Variants in CNTLN observed in about 807,000 individuals in gnomAD.
The protein encoded by CNTLN is centlein, centrosomal protein.
In CNTLN, 212 loss-of-function variants were observed where a neutral mutation model predicts 180.0. The observed-to-expected ratio is 1.18, with a 90% confidence interval of 1.05 to 1.32. The LOEUF is 1.32. CNTLN is among the 40% of genes most tolerant of loss of function. The pLI, the probability that CNTLN is intolerant of heterozygous loss-of-function variation, is 0.00. For synonymous variants in CNTLN, 722 were observed against 563.1 expected, an observed-to-expected ratio of 1.28 and a Z score of -3.99; for missense variants, 2,095 against 1,610.9, an observed-to-expected ratio of 1.30 and a Z score of -5.14.
chr9:17,528,195 AAC>A, the CNTLN span, among the ~76,000 whole-genome samples: 145 of 152,336 alleles, frequency 9.5e-4, 1 homozygote, highest in African/African-American at 3.3e-3. Flanking sequence ...TTTCCTGAAG[AAC>A]ACATTATAGA....
intron 7 of CNTLN, among the ~76,000 whole-genome samples, chr9:17,305,501 A>G (rs1271127008): frequency 6.7e-6 from 1 of 148,866 alleles, no homozygotes; most frequent in Non-Finnish European, 1.5e-5. Flanking sequence ...CATATTGCCT[A>G]ATTTACTCAC....
chr9:17,493,792 A>T (rs1006657302), intron 25 of CNTLN, among the ~76,000 whole-genome samples: 1 of 152,208 alleles, frequency 6.6e-6, no homozygotes, highest in Non-Finnish European at 1.5e-5. Context: ...ATAATAGGAA[A>T]CTCAGTAACT....
At chr9:17,296,864 G>A (rs1477310047) in intron 6 of CNTLN, among the ~76,000 whole-genome samples, 1 of 152,114 alleles carries the variant, frequency 6.6e-6, no homozygotes, top group Admixed American at 6.5e-5. Flanking sequence ...AATCTCTAAG[G>A]AGCGGAACTC....
rs148436505 is a variant in CNTLN at position 17,370,227 on chromosome 9, T to G, written c.1987+3510T>G. ...AGAAAGTTGTAGAACACCAAGCAGG[T>G]TTAACCCAAAAAAGACAACCTGAAG... On this transcript the variant is annotated intron_variant, in intron 13 of 25. Coordinates refer to ENST00000380647, the MANE Select transcript of CNTLN (RefSeq NM_017738.4). Among the ~76,000 whole-genome samples, 452 of 152,052 alleles carry G rather than the reference T, an allele frequency of 3.0e-3. 4 individuals carry two copies. The highest frequency in any genetic ancestry group is 0.01 in the African/African-American group (428 of 41,488).
intron 13 of CNTLN, among the ~76,000 whole-genome samples, chr9:17,374,144 A>T (rs1229059049): frequency 6.6e-6 from 1 of 152,194 alleles, no homozygotes; most frequent in East Asian, 1.9e-4. Flanking sequence ...AAGCTTCTGG[A>T]CAGCAAGGGA....
intron 13 of CNTLN, among the ~76,000 whole-genome samples, chr9:17,368,605 G>C (rs1824031012): frequency 6.6e-6 from 1 of 152,156 alleles, no homozygotes; most frequent in Non-Finnish European, 1.5e-5. Flanking sequence ...GGTGGCCACA[G>C]GGGTGCATTT....
chr9:17,302,948 A>G (rs1744424558), intron 7 of CNTLN, among the ~76,000 whole-genome samples: 2 of 152,196 alleles, frequency 1.3e-5, no homozygotes, highest in South Asian at 4.1e-4. Context: ...AAAAATGTAA[A>G]TTGCTCCTAG....
chr9:17,453,852 A>T (rs1013618587), intron 18 of CNTLN, among the ~76,000 whole-genome samples: 1 of 152,174 alleles, frequency 6.6e-6, no homozygotes, highest in East Asian at 1.9e-4. Context: ...CAACGGGGGA[A>T]TCTCCCTGAT....
intron 1 of CNTLN, among the ~76,000 whole-genome samples, chr9:17,142,787 T>C (rs1403739835): frequency 1.3e-5 from 2 of 152,194 alleles, no homozygotes; most frequent in Admixed American, 6.5e-5. Flanking sequence ...TCAGCCAAGG[T>C]TAATAACAAC....
chr9:17,260,515 T>A (rs1826879826), intron 5 of CNTLN, among the ~76,000 whole-genome samples: 1 of 151,312 alleles, frequency 6.6e-6, no homozygotes, highest in Non-Finnish European at 1.5e-5. Flanking sequence ...GGATCATTTG[T>A]TTTTTTGCTT....
chr9:17,351,711 A>G (rs759166032), intron 12 of CNTLN, among the ~76,000 whole-genome samples: 17 of 152,112 alleles, frequency 1.1e-4, no homozygotes, highest in Non-Finnish European at 2.2e-4. Context: ...AAACTCATAA[A>G]CATCTGCATC....
At chr9:17,506,364 A>G (rs1019979491), downstream of CNTLN, among the ~76,000 whole-genome samples, 7 of 152,172 alleles carry the variant, frequency 4.6e-5, no homozygotes, top group African/African-American at 1.7e-4. Context: ...AAGGATTCAT[A>G]TCTAAAATAA....
chr9:17,273,068 GT>G (rs1278407459), intron 5 of CNTLN, among the ~76,000 whole-genome samples: 1 of 151,906 alleles, frequency 6.6e-6, no homozygotes, highest in Non-Finnish European at 1.5e-5. Context: ...AATGTATGGT[GT>G]TTCTGTTGGC....
intron 23 of CNTLN, among the ~76,000 whole-genome samples, chr9:17,472,277 T>G (rs1341333505): frequency 6.6e-6 from 1 of 152,110 alleles, no homozygotes; most frequent in Admixed American, 6.5e-5. Context: ...GAAATTCTGT[T>G]GGGATGAGTA....
At chr9:17,363,020 A>G (rs556804649) in intron 12 of CNTLN, among the ~76,000 whole-genome samples, 2 of 152,308 alleles carry the variant, frequency 1.3e-5, no homozygotes, top group African/African-American at 4.8e-5. Flanking sequence ...TTTGCTGAGA[A>G]TGATGGTTTC....
Position 17,260,427 on chromosome 9 carries a change from T to G in CNTLN, c.850-13306T>G, listed in dbSNP as rs940439626. On this transcript the variant is annotated intron_variant, in intron 5 of 25. Coordinates refer to ENST00000380647, the MANE Select transcript of CNTLN (RefSeq NM_017738.4). Reference sequence around the variant, plus strand: ...GGCCAATTTTGGAATAGGTGTGGTGTGGTGCTGAAAAAAATGTATATTCTG... The same window carrying G: ...GGCCAATTTTGGAATAGGTGTGGTGGGGTGCTGAAAAAAATGTATATTCTG... Among the ~76,000 whole-genome samples, 14 of 151,506 alleles carry G rather than the reference T, an allele frequency of 9.2e-5. No homozygotes were observed. The South Asian group carries it at 1.0e-3, about 11-fold the overall frequency.
chr9:17,268,998 A>G (rs1024346511), intron 5 of CNTLN, among the ~76,000 whole-genome samples: 1 of 152,024 alleles, frequency 6.6e-6, no homozygotes. Context: ...GAGTTAGGCC[A>G]TGCCTCGCCC....
chr9:17,222,093 AG>A (rs1448286368), intron 2 of CNTLN, among the ~76,000 whole-genome samples: 2 of 152,016 alleles, frequency 1.3e-5, no homozygotes, highest in Non-Finnish European at 2.9e-5. Context: ...GCATACACAC[AG>A]GCTGTCTTAT....
rs762862232 is a variant in CNTLN at position 17,135,359 on chromosome 9, G to A, written c.294G>A (p.Met98Ile). ...RLEGISVEEA[M>I]VTRTQLLEEE... ...AGGGCATCTCGGTAGAGGAGGCGATGGTGACCCGGACGCAGCTGCTGGAGG... is the reference window on the plus strand; with the variant it reads ...AGGGCATCTCGGTAGAGGAGGCGATAGTGACCCGGACGCAGCTGCTGGAGG... The change falls in exon 1 of 26, where the codon ATG (methionine) becomes ATA (isoleucine). Residue 98 changes from methionine (M) to isoleucine (I), a missense_variant. Transcript: ENST00000380647. 8.7e-6 allele frequency: 14 copies of A among 1,600,590 alleles called. No homozygotes were observed. The highest frequency in any genetic ancestry group is 1.2e-5 in the Non-Finnish European group (14 of 1,174,594).
Sources: gnomAD v4.1 joint callset for allele counts (sites outside exome capture counted in the v4.1 genomes callset) on GRCh38, gnomAD v4.1.1 for gene constraint, MANE v1.5 for transcripts, NCBI Gene and HGNC (gene_info 2026-07-23, HGNC 2026-07-21) for gene names.